TMED3: variants seen among roughly 807,000 people sequenced by gnomAD.
The protein encoded by TMED3 is transmembrane p24 trafficking protein 3.
TMED3 carries 9 observed loss-of-function variants against 15.0 expected under a neutral mutation model. The observed-to-expected ratio is 0.60, with a 90% CI of 0.36 to 1.04. The LOEUF (loss-of-function observed/expected upper bound fraction) is 1.04. TMED3 is among the 50% of genes least tolerant of loss of function. The pLI, the probability that TMED3 is intolerant of heterozygous loss-of-function variation, is 0.01. For synonymous variants in TMED3, 117 were observed against 121.4 expected (o/e 0.96, Z 0.24); for missense variants, 267 against 278.9 (o/e 0.96, Z 0.30).
At chr15:79,391,302 AT>A (rs1286788507) in intron 2 of TMED3, among the ~76,000 whole-genome samples, 1 of 151,986 alleles carries the variant, frequency 6.6e-6, no homozygotes, top group East Asian at 1.9e-4. Flanking sequence ...GAATTTTTCA[AT>A]TTCCATCTTG....
At chr15:79,329,832 CAT>C (rs1567025090) in intron 2 of TMED3, among the ~76,000 whole-genome samples, 3 of 152,170 alleles carry the variant, frequency 2.0e-5, no homozygotes, top group Non-Finnish European at 2.9e-5. Flanking sequence ...TGGTGTGACA[CAT>C]GTGGACCACA....
At chr15:79,352,112 G>C (rs2058893215) in intron 2 of TMED3, among the ~76,000 whole-genome samples, 1 of 152,040 alleles carries the variant, frequency 6.6e-6, no homozygotes. Flanking sequence ...ACCTATTGGG[G>C]ACGGTGTACA....
chr15:79,353,253 T>TATTATAAATAATATATAA, intron 2 of TMED3, among the ~76,000 whole-genome samples: 1 of 63,982 alleles, frequency 1.6e-5, no homozygotes, highest in Non-Finnish European at 2.7e-5. Flanking sequence ...ATACTATATA[T>TATTATAAATAATATATAA]AATATATATT....
At chr15:79,345,867 C>A (rs2058869251) in intron 2 of TMED3, among the ~76,000 whole-genome samples, 1 of 152,098 alleles carries the variant, frequency 6.6e-6, no homozygotes, top group Admixed American at 6.6e-5. Context: ...ATGACATCTT[C>A]TCATGGTTTT....
chr15:79,319,806 AAGAG>A (rs1263646086), intron 2 of TMED3, among the ~76,000 whole-genome samples: 1 of 152,064 alleles, frequency 6.6e-6, no homozygotes, highest in Non-Finnish European at 1.5e-5. Context: ...AGAGAGAGAG[AAGAG>A]AGAGAGACAG....
chr15:79,324,152 G>A (rs1013410309), downstream of TMED3, among the ~76,000 whole-genome samples: 6 of 152,042 alleles, frequency 3.9e-5, no homozygotes, highest in East Asian at 5.8e-4. Flanking sequence ...CACCACGCCC[G>A]GCTAATTTTT....
chr15:79,376,735 A>G (rs1272908643), intron 2 of TMED3, among the ~76,000 whole-genome samples: 2 of 152,208 alleles, frequency 1.3e-5, no homozygotes, highest in African/African-American at 2.4e-5. Context: ...TAACCTCAAA[A>G]TATCTTTTGT....
At position 79,360,092 on chromosome 15, in the gene TMED3, C is replaced by T. The variant is rs148120402; in HGVS notation, c.417+46087C>T. Among the ~76,000 whole-genome samples, 681 of 152,292 alleles carry T rather than the reference C, an allele frequency of 4.5e-3. 3 individuals carry two copies. Among genetic ancestry groups the T allele is most frequent in the African/African-American group, 0.016 (666 of 41,552 alleles). On this transcript the variant is annotated intron_variant, in intron 2 of 2. Transcript: ENST00000424155. ...GACTGCGGGAAGAAAAAGTTAGGAT[C>T]TGGGGCCATGGACAGGCACAGCGGG...
Position 79,383,029 on chromosome 15 carries a change from G to A in TMED3, c.418-28371G>A, listed in dbSNP as rs1182114372. 2.0e-6 allele frequency: 3 copies of A among 1,535,250 alleles called. No individual in the cohort carries two copies. The African/African-American group carries it at 4.1e-5, about 21-fold the overall frequency. ...AGGGTTCCAGTGTGATCACCATCTG[G>A]GATCTACCTGTTCCAACTGCTTGTT... On this transcript the variant is annotated intron_variant, in intron 2 of 2. Coordinates refer to the TMED3 transcript ENST00000424155.
chr15:79,340,706 G>GTACATCA (rs1567027485), intron 2 of TMED3, among the ~76,000 whole-genome samples: 1 of 152,166 alleles, frequency 6.6e-6, no homozygotes, highest in Non-Finnish European at 1.5e-5. Context: ...CTTGGAAGTG[G>GTACATCA]TATCATGGAT....
exon 3 of TMED3, chr15:79,412,074 T>TGGTGTG (rs1893991412): frequency 7.2e-6 from 1 of 139,498 alleles, no homozygotes; most frequent in African/African-American, 2.6e-5. Flanking sequence ...AACCACACCA[T>TGGTGTG]GTTTGCCAGT....
chr15:79,346,263 A>C (rs12232331), intron 2 of TMED3, among the ~76,000 whole-genome samples: 14,247 of 152,122 alleles, frequency 0.094, 710 homozygotes, highest in Admixed American at 0.12. Context: ...AGGTTGTCTT[A>C]TAGGGTTTTG....
At chr15:79,314,551 T>C (rs1490864949) in intron 2 of TMED3, 2 of 455,620 alleles carry the variant, frequency 4.4e-6, no homozygotes, top group East Asian at 1.4e-4. Flanking sequence ...GGCTTCAGGG[T>C]CTTCTGCCTG....
At chr15:79,329,357 G>A (rs1029464901) in intron 2 of TMED3, among the ~76,000 whole-genome samples, 10 of 152,214 alleles carry the variant, frequency 6.6e-5, no homozygotes, top group Non-Finnish European at 1.3e-4. Flanking sequence ...GGAACATGTT[G>A]TAAGGTAAAT....
In TMED3 at chr15:79,312,418, G is replaced by A. The variant is rs151254571; in HGVS notation, c.168+1001G>A. Among the ~76,000 whole-genome samples, 47 of 152,284 alleles carry A rather than the reference G, an allele frequency of 3.1e-4. 1 individual carries two copies. The highest frequency in any genetic ancestry group is 1.1e-3 in the African/African-American group (47 of 41,544). ...AAGAATGATAATTCTGTGGTTGCAG[G>A]GACCTCAGATGTCATCTGGTCACTG... is the stretch of plus-strand genomic sequence containing the variant. On this transcript the variant is annotated intron_variant, in intron 1 of 2. Transcript: ENST00000299705.
chr15:79,374,093 G>T (rs552614932), intron 2 of TMED3, among the ~76,000 whole-genome samples: 61 of 152,152 alleles, frequency 4.0e-4, no homozygotes, highest in Non-Finnish European at 7.6e-4. Flanking sequence ...AAAAGAAGGG[G>T]ACTCTCTTCA....
In TMED3 at chr15:79,311,440, G is replaced by C. The variant is rs527454637; in HGVS notation, c.168+23G>C. On this transcript the variant is annotated intron_variant, in intron 1 of 2. Coordinates refer to ENST00000299705, the MANE Select transcript of TMED3 (RefSeq NM_007364.4). ...CAGGTGAGGCCGGGCGCCCGGCAGC[G>C]CTCCCTTCTCCCTCCACTCCCAGGT... 1.9e-6 allele frequency: 3 copies of C among 1,591,062 alleles called. No homozygotes were observed. In the South Asian group the frequency reaches 3.4e-5, roughly 18 times the overall value.
intron 2 of TMED3, among the ~76,000 whole-genome samples, chr15:79,394,043 A>C (rs1403063845): frequency 6.6e-6 from 1 of 152,072 alleles, no homozygotes. Context: ...TTTTTAAGTC[A>C]TGGATGTAGG....
chr15:79,362,302 TAAA>T (rs55882848), intron 2 of TMED3, among the ~76,000 whole-genome samples: 14 of 135,014 alleles, frequency 1.0e-4, no homozygotes, highest in Non-Finnish European at 1.1e-4. Context: ...CTTGCCTCTA[TAAA>T]AAAAAAAAAA....
Sources: gnomAD v4.1 joint callset for allele counts (sites outside exome capture counted in the v4.1 genomes callset) on GRCh38, gnomAD v4.1.1 for gene constraint, MANE v1.5 for transcripts, NCBI Gene and HGNC (gene_info 2026-07-23, HGNC 2026-07-21) for gene names.